Variants in XIRP2 observed in about 807,000 individuals in gnomAD.
XIRP2 encodes the protein xin actin binding repeat containing 2.
In XIRP2, 236 loss-of-function variants were observed where a neutral mutation model predicts 277.0. The observed-to-expected ratio is 0.85, with a 90% CI of 0.77 to 0.95. The LOEUF is 0.95. Among genes scored for constraint, XIRP2 ranks in the 40% least tolerant of loss-of-function variants. The probability of loss-of-function intolerance (pLI) is 0.00; values close to 1 mark genes in which losing one functional copy is unlikely to be tolerated. For missense variants in XIRP2, 4,640 were observed against 4,157.5 expected, an observed-to-expected ratio of 1.12 and a Z score of -3.19; for synonymous variants, 1,490 against 1,416.5, an observed-to-expected ratio of 1.05 and a Z score of -1.17.
intron 2 of XIRP2, among the ~76,000 whole-genome samples, chr2:167,037,520 TGTG>T: frequency 9.5e-6 from 1 of 105,584 alleles, no homozygotes; most frequent in East Asian, 2.5e-4. Flanking sequence ...ATGTGGGGGG[TGTG>T]TGTGTGTGTG....
chr2:167,060,487 C>T (rs1333314732), intron 2 of XIRP2, among the ~76,000 whole-genome samples: 2 of 151,996 alleles, frequency 1.3e-5, no homozygotes, highest in Admixed American at 6.6e-5. Context: ...CTTTTTATTT[C>T]CTATGTTTAT....
At chr2:167,163,057 A>C (rs1238981121) in intron 3 of XIRP2, among the ~76,000 whole-genome samples, 1 of 152,154 alleles carries the variant, frequency 6.6e-6, no homozygotes, top group Non-Finnish European at 1.5e-5. Context: ...GAACAATTGC[A>C]ATTGATACAT....
chr2:167,180,337 A>G (rs1483258578), intron 3 of XIRP2, among the ~76,000 whole-genome samples: 1 of 151,536 alleles, frequency 6.6e-6, no homozygotes, highest in Non-Finnish European at 1.5e-5. Flanking sequence ...CTTTGATCAT[A>G]CCTCTTCCTT....
intron 2 of XIRP2, among the ~76,000 whole-genome samples, chr2:167,011,414 G>T (rs774226979): frequency 6.6e-6 from 1 of 150,640 alleles, no homozygotes; most frequent in Admixed American, 6.6e-5. Context: ...GCATCCCAGG[G>T]ATGAAGCCCA....
At chr2:166,978,637 G>T (rs1017580419) in intron 2 of XIRP2, among the ~76,000 whole-genome samples, 2 of 152,114 alleles carry the variant, frequency 1.3e-5, no homozygotes, top group African/African-American at 4.8e-5. Context: ...TTTTGTGAAA[G>T]AAATTGCTTC....
intron 2 of XIRP2, among the ~76,000 whole-genome samples, chr2:166,927,547 C>G (rs1022525736): frequency 7.2e-5 from 11 of 152,146 alleles, no homozygotes; most frequent in African/African-American, 2.7e-4. Context: ...TCAAAGCCAG[C>G]AATAATGTGT....
chr2:167,007,925 T>G (rs1687551216), intron 2 of XIRP2, among the ~76,000 whole-genome samples: 1 of 151,580 alleles, frequency 6.6e-6, no homozygotes, highest in African/African-American at 2.4e-5. Context: ...TTTATAATAT[T>G]TGTGGTATTT....
intron 2 of XIRP2, among the ~76,000 whole-genome samples, chr2:167,025,760 C>T (rs201918829): frequency 0.048 from 7,282 of 151,932 alleles, 281 homozygotes; most frequent in South Asian, 0.14. Flanking sequence ...TGTAGTTGAG[C>T]GGTTTTGAGT....
At chr2:167,164,883 C>T (rs1692475578) in intron 3 of XIRP2, among the ~76,000 whole-genome samples, 1 of 152,112 alleles carries the variant, frequency 6.6e-6, no homozygotes, top group Admixed American at 6.5e-5. Context: ...TGTTTGTAAA[C>T]CCTAATAGAG....
intron 2 of XIRP2, among the ~76,000 whole-genome samples, chr2:167,023,541 C>T (rs1574174140): frequency 6.6e-6 from 1 of 152,002 alleles, no homozygotes; most frequent in Non-Finnish European, 1.5e-5. Flanking sequence ...ATGCCTATGT[C>T]CTGAATGGTA....
intron 5 of XIRP2, among the ~76,000 whole-genome samples, chr2:167,238,557 T>C (rs1304135391): frequency 6.6e-6 from 1 of 152,136 alleles, no homozygotes; most frequent in Non-Finnish European, 1.5e-5. Context: ...CTGGCATTAA[T>C]TTTATACCAA....
intron 1 of XIRP2, among the ~76,000 whole-genome samples, chr2:166,897,720 A>G (rs1257846038): frequency 6.6e-6 from 1 of 152,056 alleles, no homozygotes; most frequent in Non-Finnish European, 1.5e-5. Context: ...GAGAGCAGGA[A>G]GCTTTTTGGT....
intron 3 of XIRP2, among the ~76,000 whole-genome samples, chr2:167,188,530 C>T (rs907411382): frequency 3.3e-5 from 5 of 152,108 alleles, no homozygotes; most frequent in Admixed American, 6.5e-5. Context: ...TTTACCTTGG[C>T]GACATTCAGA....
chr2:167,208,582 A>T (rs1185776856), intron 3 of XIRP2, among the ~76,000 whole-genome samples: 1 of 152,148 alleles, frequency 6.6e-6, no homozygotes, highest in Non-Finnish European at 1.5e-5. Context: ...TGCTGGGATT[A>T]CAGGTGTGAG....
chr2:166,904,380 A>G (rs1457042025), intron 2 of XIRP2, among the ~76,000 whole-genome samples: 1 of 152,176 alleles, frequency 6.6e-6, no homozygotes, highest in Non-Finnish European at 1.5e-5. Context: ...ACTTAACCTT[A>G]GAAATACAAA....
chr2:166,924,992 G>T (rs1685145060), intron 2 of XIRP2, among the ~76,000 whole-genome samples: 1 of 152,024 alleles, frequency 6.6e-6, no homozygotes, highest in Non-Finnish European at 1.5e-5. Flanking sequence ...TTTTCAGAGG[G>T]TAAGCTTTTT....
intron 2 of XIRP2, among the ~76,000 whole-genome samples, chr2:166,929,335 G>A (rs1218809889): frequency 6.6e-6 from 1 of 152,014 alleles, no homozygotes; most frequent in African/African-American, 2.4e-5. Flanking sequence ...GCTTCCCTAT[G>A]TACCTACTGT....
chr2:166,967,802 A>G (rs544056294), intron 2 of XIRP2, among the ~76,000 whole-genome samples: 3 of 151,958 alleles, frequency 2.0e-5, no homozygotes, highest in Non-Finnish European at 4.4e-5. Context: ...ATTATTCTAA[A>G]GATGACAGTG....
intron 9 of XIRP2, 104 bp downstream of exon 9, chr2:167,252,051 C>T (rs1257589770): frequency 6.8e-7 from 1 of 1,471,816 alleles, no homozygotes; most frequent in African/African-American, 1.4e-5. Flanking sequence ...AACAACCAAA[C>T]AATATAACCT....
Sources: allele counts gnomAD v4.1 joint callset (sites outside exome capture counted in the v4.1 genomes callset), GRCh38; gene constraint gnomAD v4.1.1; transcripts MANE v1.5; gene names NCBI Gene and HGNC (gene_info 2026-07-23, HGNC 2026-07-21).